Variants in UVSSA observed in about 807,000 individuals in gnomAD.
UVSSA encodes UV stimulated scaffold protein A, also known as UV-stimulated scaffold protein A.
In UVSSA, 72 loss-of-function variants were observed where a neutral mutation model predicts 73.9. The observed-to-expected ratio is 0.97, with a 90% confidence interval of 0.81 to 1.19. The LOEUF (loss-of-function observed/expected upper bound fraction) is 1.19. UVSSA is among the 50% of genes most tolerant of loss of function. UVSSA has a pLI of 0.00. For synonymous variants in UVSSA, 454 were observed against 391.3 expected (o/e 1.16, Z -1.89); for missense variants, 1,150 against 965.0 (o/e 1.19, Z -2.54).
chr4:1,373,042 C>T (rs1718333079), intron 8 of UVSSA, among the ~76,000 whole-genome samples: 1 of 152,260 alleles, frequency 6.6e-6, no homozygotes, highest in African/African-American at 2.4e-5. Context: ...GGTCGTCGTC[C>T]TGTGCCTGCA....
At chr4:1,364,709 C>T (rs865981454) in intron 7 of UVSSA, among the ~76,000 whole-genome samples, 3 of 152,090 alleles carry the variant, frequency 2.0e-5, no homozygotes, top group African/African-American at 4.8e-5. Context: ...GGAATGCAGG[C>T]GCCTCCATCC....
exon 14 of UVSSA, chr4:1,394,730 G>A (rs1308650257): frequency 6.2e-7 from 1 of 1,601,692 alleles, no homozygotes; most frequent in African/African-American, 1.4e-5. Flanking sequence ...TCCATGTGGA[G>A]TGCCCACCTG....
chr4:1,351,747 G>C lies in UVSSA; in HGVS notation c.462G>C (p.Leu154=). 6.2e-7 allele frequency: 1 copy of C among 1,613,604 alleles called. No individual in the cohort carries two copies. Among genetic ancestry groups the C allele is most frequent in the Non-Finnish European group, 8.5e-7 (1 of 1,179,812 alleles). ...TTCAAGACACGAATGCTCGGAGTCT[G>C]GCAGAAAGGAAGAGAGAAGAGGAGA... is the stretch of plus-strand genomic sequence containing the variant. ...VDFQDTNARS[L]AERKREEEKQ... Residue 154 remains leucine (L), a synonymous_variant, in exon 4 of 14, where the codon CTG becomes CTC. Coordinates refer to ENST00000389851, the MANE Select transcript of UVSSA (RefSeq NM_020894.4).
intron 6 of UVSSA, 125 bp downstream of exon 6, chr4:1,354,972 GT>G (rs1715468142): frequency 3.9e-6 from 6 of 1,527,822 alleles, no homozygotes; most frequent in South Asian, 2.5e-5. Flanking sequence ...CGAGGGCTCT[GT>G]CCCTCACCCG....
At chr4:1,380,018 G>C (rs773508901) in intron 10 of UVSSA, 29 bp from the exon 11 acceptor site, 75 of 1,571,556 alleles carry the variant, frequency 4.8e-5, no homozygotes, top group Non-Finnish European at 6.4e-5. Context: ...CCCTGCAGAT[G>C]CTATGAGGGC....
chr4:1,357,325 T>C (rs1401411395), intron 7 of UVSSA, among the ~76,000 whole-genome samples: 1 of 152,226 alleles, frequency 6.6e-6, no homozygotes, highest in African/African-American at 2.4e-5. Context: ...CACAGTCCTT[T>C]AGTACCAGCA....
chr4:1,362,853 C>A (rs538275880), intron 7 of UVSSA, among the ~76,000 whole-genome samples: 1 of 152,178 alleles, frequency 6.6e-6, no homozygotes, highest in Non-Finnish European at 1.5e-5. Flanking sequence ...CTGGTGACCA[C>A]GCCGTTCCTG....
chr4:1,372,922 T>C (rs73793388), intron 8 of UVSSA, among the ~76,000 whole-genome samples: 2,563 of 142,386 alleles, frequency 0.018, 89 homozygotes, highest in African/African-American at 0.061. Flanking sequence ...TCACTGCCCA[T>C]GTTTTGCTCC....
intron 1 of UVSSA, 58 bp downstream of exon 1, chr4:1,347,818 C>T (rs1713944094): frequency 5.1e-6 from 2 of 390,178 alleles, no homozygotes; most frequent in Non-Finnish European, 9.3e-6. Flanking sequence ...GACAGCGCCA[C>T]TGGTTCCTTT....
chr4:1,342,718 C>G (rs1352746279), upstream of UVSSA, among the ~76,000 whole-genome samples: 1 of 152,188 alleles, frequency 6.6e-6, no homozygotes, highest in African/African-American at 2.4e-5. Flanking sequence ...CTCTATTGTT[C>G]TAACACCATT....
In UVSSA at chr4:1,375,394, T is replaced by G; in HGVS notation, c.1319T>G (p.Val440Gly). 1 of 1,613,574 alleles carries G rather than the reference T, an allele frequency of 6.2e-7. No homozygotes were observed. The highest frequency in any genetic ancestry group is 8.5e-7 in the Non-Finnish European group (1 of 1,179,984). ...GLEAAPEKDTVVRCLRTRTRM... is the reference protein window; with the variant it reads ...GLEAAPEKDTGVRCLRTRTRM... ...GAGGCAGCACCAGAGAAAGACACAG[T>G]TGTGCGGTGCTTGCGGACGAGGACG... The change falls in exon 9 of 14, where the codon GTT (valine) becomes GGT (glycine). Residue 440 changes from valine (V) to glycine (G), a missense_variant. Physicochemically the swap from Val to Gly is moderately radical, Grantham distance 109. Coordinates refer to ENST00000389851, the MANE Select transcript of UVSSA (RefSeq NM_020894.4).
At chr4:1,375,727 A>G (rs551501493) in intron 9 of UVSSA, among the ~76,000 whole-genome samples, 4 of 152,176 alleles carry the variant, frequency 2.6e-5, no homozygotes, top group Non-Finnish European at 5.9e-5. Flanking sequence ...GGGCCAACAA[A>G]TACCCTTCCA....
downstream of UVSSA, chr4:1,388,534 A>T (rs999047831): frequency 1.3e-5 from 2 of 152,170 alleles, no homozygotes; most frequent in African/African-American, 2.4e-5. Context: ...TCCTCGTCTT[A>T]CTCTTGATCT....
At position 1,349,624 on chromosome 4, in the gene UVSSA, G is replaced by A; in HGVS notation, c.199G>A (p.Glu67Lys). 6.2e-7 allele frequency: 1 copy of A among 1,614,108 alleles called. No individual in the cohort carries two copies. The highest frequency in any genetic ancestry group is 1.7e-5 in the Admixed American group (1 of 60,022). Residue 67 changes from glutamate to lysine, a missense_variant, in exon 3 of 14, where the codon GAA becomes AAA. Transcript: ENST00000389851. ...TCTCTCAGCCTTCCAGATTGTGGAG[G>A]AACTCTTCGTCAGGTCTCACCAGTT... ...IRLSAFQIVE[E>K]LFVRSHQFRM...
At chr4:1,376,553 C>G (rs1718793339) in intron 10 of UVSSA, among the ~76,000 whole-genome samples, 1 of 152,190 alleles carries the variant, frequency 6.6e-6, no homozygotes, top group South Asian at 2.1e-4. Context: ...TGCAGCTGCT[C>G]ACGGTGACCG....
upstream of UVSSA, among the ~76,000 whole-genome samples, chr4:1,345,636 CT>C (rs566074938): frequency 8.8e-5 from 8 of 90,812 alleles, no homozygotes; most frequent in East Asian, 3.0e-3. Context: ...CAAAGCGAGA[CT>C]TTGTCTCAAA....
Position 1,369,151 on chromosome 4 carries a change from A to G in UVSSA, c.1288+2720A>G, listed in dbSNP as rs149379832. Among the ~76,000 whole-genome samples, 364 of 152,338 alleles carry G rather than the reference A, an allele frequency of 2.4e-3. 2 individuals carry two copies. Among genetic ancestry groups the G allele is most frequent in the African/African-American group, 8.5e-3 (354 of 41,572 alleles). On this transcript the variant is annotated intron_variant, in intron 8 of 13. Coordinates refer to ENST00000389851, the MANE Select transcript of UVSSA (RefSeq NM_020894.4). ...TTCTGCCGTTCTGCCGTCAGCCTTG[A>G]AGGTGCCGATGTGCCCTGTGGGCCT... is the stretch of plus-strand genomic sequence containing the variant.
chr4:1,367,932 C>T (rs1413760109), intron 8 of UVSSA, among the ~76,000 whole-genome samples: 1 of 152,232 alleles, frequency 6.6e-6, no homozygotes, highest in Non-Finnish European at 1.5e-5. Context: ...GGCAGGCGTC[C>T]CCACGCCTGA....
chr4:1,351,981 A>G, intron 4 of UVSSA, 146 bp downstream of exon 4: 1 of 1,329,104 alleles, frequency 7.5e-7, no homozygotes, highest in Non-Finnish European at 1.0e-6. Context: ...TCGGGCCGGA[A>G]GGCGTTCTTA....
Sources: gnomAD v4.1 joint callset for allele counts (sites outside exome capture counted in the v4.1 genomes callset) on GRCh38, gnomAD v4.1.1 for gene constraint, MANE v1.5 for transcripts, NCBI Gene and HGNC (gene_info 2026-07-23, HGNC 2026-07-21) for gene names.